The following ARID1A variants were observed in gnomAD, a reference collection of about 807,000 sequenced individuals.
ARID1A encodes AT-rich interaction domain 1A.
Under a neutral mutation model 212.6 loss-of-function variants are expected in ARID1A, and 20 were observed. That is an observed-to-expected ratio of 0.09 (90% CI 0.07 to 0.14). The LOEUF (loss-of-function observed/expected upper bound fraction) is 0.14. Ranked by LOEUF, ARID1A falls within the 10% of genes least tolerant of loss-of-function variation. The pLI is 1.00. For missense variants in ARID1A, 2,587 were observed against 3,059.0 expected (o/e 0.85, Z 3.64); for synonymous variants, 1,376 against 1,222.1 (o/e 1.13, Z -2.63).
intron 3 of ARID1A, 91 bp from the exon 4 acceptor site, chr1:26,732,585 G>T: frequency 9.6e-7 from 1 of 1,039,650 alleles, no homozygotes; most frequent in South Asian, 1.3e-5. Context: ...TCACACTCAT[G>T]AGAGACAGTC....
At chr1:26,755,823 A>G (rs2080930003) in intron 4 of ARID1A, among the ~76,000 whole-genome samples, 1 of 150,908 alleles carries the variant, frequency 6.6e-6, no homozygotes, top group Non-Finnish European at 1.5e-5. Flanking sequence ...GGCTCACTGC[A>G]ACCTCCGCCT....
chr1:26,777,941 A>G (rs2081152002), intron 19 of ARID1A, among the ~76,000 whole-genome samples: 1 of 151,942 alleles, frequency 6.6e-6, no homozygotes, highest in African/African-American at 2.4e-5. Flanking sequence ...GGTGGCACAC[A>G]CCTCTAATCC....
chr1:26,776,603 G>GACCC (rs1239693857), intron 19 of ARID1A, among the ~76,000 whole-genome samples: 1 of 150,330 alleles, frequency 6.7e-6, no homozygotes, highest in Non-Finnish European at 1.5e-5. Context: ...TGATTCTTCA[G>GACCC]ACCCACCCTC....
At position 26,716,877 on chromosome 1, in the gene ARID1A, C is replaced by T. The variant is rs374074149; in HGVS notation, c.1138-12774C>T. 3.2e-4 allele frequency among the ~76,000 whole-genome samples: 49 copies of T among 152,262 alleles called. No homozygotes were observed. The East Asian group carries it at 5.0e-3, about 16-fold the overall frequency. On this transcript the variant is annotated intron_variant, in intron 1 of 19. Transcript: ENST00000324856. Reference sequence around the variant, plus strand: ...CTGATCTCAGGTGATCTGCCTGCCTCGCCCTCCCAAAGTGCTGAGATTACA... The same window carrying T: ...CTGATCTCAGGTGATCTGCCTGCCTTGCCCTCCCAAAGTGCTGAGATTACA...
intron 1 of ARID1A, among the ~76,000 whole-genome samples, chr1:26,707,664 T>C (rs1416091845): frequency 6.6e-6 from 1 of 152,168 alleles, no homozygotes; most frequent in Non-Finnish European, 1.5e-5. Context: ...TTTCAAATGA[T>C]GGCCACCATG....
rs1336228861 is a variant in ARID1A, at chr1:26,697,369, CG to C, written c.971del (p.Gly324AlafsTer39). On this transcript the variant is annotated frameshift_variant, in exon 1 of 20. Coordinates refer to ENST00000324856, the MANE Select transcript of ARID1A (RefSeq NM_006015.6). LOFTEE classifies it high-confidence loss of function. Reference protein sequence around the residue: ...GGDYSGGPQDGGAGKGPADMA... With the variant: ...GGDYSGGPQDXGAGKGPADMA... ...GCGACTACAGTGGCGGGCCCCAGGACGGGGGCGCCGGCAAGGGCCCGGCGGA... is the reference window on the plus strand; with the variant it reads ...GCGACTACAGTGGCGGGCCCCAGGACGGGGCGCCGGCAAGGGCCCGGCGGA... 1 of 1,316,054 alleles carries C rather than the reference CG, an allele frequency of 7.6e-7. No homozygotes were observed. The highest frequency in any genetic ancestry group is 9.6e-7 in the Non-Finnish European group (1 of 1,039,764). 81.5% of individuals were successfully genotyped at this position (1,316,054 alleles called of 1,614,324 possible).
chr1:26,697,895 C>T (rs2080292886), intron 1 of ARID1A, among the ~76,000 whole-genome samples: 1 of 151,920 alleles, frequency 6.6e-6, no homozygotes, highest in Non-Finnish European at 1.5e-5. Context: ...GGAGTGTAGG[C>T]AGTGGTAGGA....
intron 1 of ARID1A, among the ~76,000 whole-genome samples, chr1:26,705,886 G>C (rs1263956910): frequency 6.6e-6 from 1 of 152,140 alleles, no homozygotes; most frequent in Admixed American, 6.5e-5. Context: ...ATTTTCTAAG[G>C]GTGGACTGGA....
At position 26,762,285 on chromosome 1, in the gene ARID1A, C is replaced by T. The variant is rs2124064334; in HGVS notation, c.2385C>T (p.Ser795=). Residue 795 remains serine, a synonymous_variant, in exon 7 of 20, where the codon AGC becomes AGT. Coordinates refer to ENST00000324856, the MANE Select transcript of ARID1A (RefSeq NM_006015.6). ...CCTACCAGCAGAACTCCATGGGGAG[C>T]TATGGTCCCCAGGGGGGTCAGTATG... ...MGSYQQNSMG[S]YGPQGGQYGP... The T allele has an allele frequency of 6.2e-7, 1 of 1,614,154 alleles. No individual in the cohort carries two copies. Among genetic ancestry groups the T allele is most frequent in the South Asian group, 1.1e-5 (1 of 91,080 alleles).
intron 4 of ARID1A, among the ~76,000 whole-genome samples, chr1:26,760,035 G>A (rs895471924): frequency 6.6e-6 from 1 of 152,132 alleles, no homozygotes; most frequent in African/African-American, 2.4e-5. Flanking sequence ...AATAGAAGGA[G>A]AGGGGATCTA....
In ARID1A at chr1:26,779,403, G is replaced by A. The variant is rs2081168965; in HGVS notation, c.5505G>A (p.Gln1835=). 1 of 1,614,092 alleles carries A rather than the reference G, an allele frequency of 6.2e-7. No homozygotes were observed. Among genetic ancestry groups the A allele is most frequent in the Non-Finnish European group, 8.5e-7 (1 of 1,180,044 alleles). ...GCTCAGATAAGCTTGGGCGTGTGCA[G>A]GAGTTTGACAGTGGCCTGCTGCACT... ...VDCSDKLGRV[Q]EFDSGLLHWR... The change falls in exon 20 of 20, where the codon CAG becomes CAA. Residue 1835 remains glutamine, a synonymous_variant. Transcript: ENST00000324856.
intron 1 of ARID1A, among the ~76,000 whole-genome samples, chr1:26,724,539 T>G (rs969063504): frequency 6.6e-6 from 1 of 152,234 alleles, no homozygotes; most frequent in East Asian, 1.9e-4. Context: ...TCTTCTCTGC[T>G]CTCTCCTCGG....
chr1:26,763,150 G>A lies in ARID1A; in HGVS notation c.2597G>A (p.Arg866Gln), dbSNP rs775126641. ...ATGAGTCACGCCTCCATGGGCAACC[G>A]GCCTTATGGCCCTAACATGGCCAAT... ...GRMSHASMGN[R>Q]PYGPNMANMP... is the part of the protein sequence containing the mutation. The change falls in exon 8 of 20, where the codon CGG becomes CAG. Residue 866 changes from arginine (R) to glutamine (Q), a missense_variant. Arg to Gln is a conservative substitution (Grantham distance 43). Coordinates refer to ENST00000324856, the MANE Select transcript of ARID1A (RefSeq NM_006015.6). 8 of 1,614,246 alleles carry A rather than the reference G, an allele frequency of 5.0e-6. No homozygotes were observed. Among genetic ancestry groups the A allele is most frequent in the Non-Finnish European group, 5.9e-6 (7 of 1,180,042 alleles).
At chr1:26,767,703 C>T in intron 10 of ARID1A, 87 bp from the exon 11 acceptor site, 1 of 1,316,610 alleles carries the variant, frequency 7.6e-7, no homozygotes, top group Non-Finnish European at 1.0e-6. Flanking sequence ...GAAGCTTTAA[C>T]ACTGCTCCAG....
intron 2 of ARID1A, among the ~76,000 whole-genome samples, chr1:26,730,347 A>C (rs1426351524): frequency 1.3e-5 from 2 of 152,194 alleles, no homozygotes; most frequent in South Asian, 4.1e-4. Context: ...CATTGATACA[A>C]ATGTTAAGAT....
intron 2 of ARID1A, among the ~76,000 whole-genome samples, chr1:26,730,372 C>G (rs1405704160): frequency 6.6e-6 from 1 of 152,202 alleles, no homozygotes; most frequent in Non-Finnish European, 1.5e-5. Context: ...CCTTATCCAT[C>G]TCTTTTTGTC....
At chr1:26,709,260 A>G (rs922183992) in intron 1 of ARID1A, among the ~76,000 whole-genome samples, 8 of 152,284 alleles carry the variant, frequency 5.3e-5, no homozygotes, top group East Asian at 3.9e-4. Flanking sequence ...TGATTGGTCA[A>G]TCCCACAACT....
At chr1:26,711,139 C>T (rs1292575875) in intron 1 of ARID1A, among the ~76,000 whole-genome samples, 5 of 151,444 alleles carry the variant, frequency 3.3e-5, no homozygotes, top group Non-Finnish European at 5.9e-5. Flanking sequence ...GACAGAGTCT[C>T]GCTTTGTCAC....
chr1:26,775,282 C>A, intron 18 of ARID1A, 62 bp downstream of exon 18: 1 of 1,511,374 alleles, frequency 6.6e-7, no homozygotes, highest in East Asian at 2.3e-5. Flanking sequence ...CCATTGTTCC[C>A]TCCACCTTAC....
Sources: gnomAD v4.1 joint callset for allele counts (sites outside exome capture counted in the v4.1 genomes callset) on GRCh38, gnomAD v4.1.1 for gene constraint, MANE v1.5 for transcripts, NCBI Gene and HGNC (gene_info 2026-07-23, HGNC 2026-07-21) for gene names.